GPHN: variants seen among roughly 807,000 people sequenced by gnomAD.
GPHN encodes the protein gephyrin.
GPHN carries 17 observed loss-of-function variants against 95.5 expected under a neutral mutation model. The ratio of observed to expected loss-of-function variants is 0.18; its 90% confidence interval spans 0.12 to 0.27. The LOEUF (loss-of-function observed/expected upper bound fraction) is 0.27, where lower values mean the gene tolerates loss of function less well. Ranked by LOEUF, GPHN falls within the 10% of genes least tolerant of loss-of-function variation. GPHN has a pLI of 1.00. For synonymous variants in GPHN, 320 were observed against 322.5 expected (o/e 0.99, Z 0.08); for missense variants, 660 against 978.1 (o/e 0.67, Z 4.34).
the GPHN span, among the ~76,000 whole-genome samples, chr14:67,629,983 C>T: frequency 6.6e-6 from 1 of 152,158 alleles, no homozygotes; most frequent in African/African-American, 2.4e-5. Context: ...AATGCATGAT[C>T]TTCACCTCCA....
chr14:66,934,253 G>C (rs188911990), intron 8 of GPHN, among the ~76,000 whole-genome samples: 10 of 152,010 alleles, frequency 6.6e-5, no homozygotes, highest in African/African-American at 2.4e-4. Flanking sequence ...GTGAAACTTG[G>C]TCAATGTACT....
At chr14:66,971,737 T>C (rs1257513291) in intron 9 of GPHN, among the ~76,000 whole-genome samples, 2 of 152,170 alleles carry the variant, frequency 1.3e-5, no homozygotes, top group Admixed American at 6.5e-5. Context: ...TTAAAATCCA[T>C]TGGTCTGTCT....
chr14:66,989,777 C>T lies in GPHN; in HGVS notation c.963+24452C>T, dbSNP rs139046932. On this transcript the variant is annotated intron_variant, in intron 9 of 22. Coordinates refer to ENST00000478722, the MANE Select transcript of GPHN (RefSeq NM_020806.5). ...CAGTTTCTCTCCTTACCCTTTAATT[C>T]CTACTACCCAAGTATACCTTAAAGT... is the stretch of plus-strand genomic sequence containing the variant. 9.2e-3 allele frequency among the ~76,000 whole-genome samples: 1,395 copies of T among 152,044 alleles called. 24 individuals are homozygous for T. The highest frequency in any genetic ancestry group is 0.031 in the African/African-American group (1,266 of 41,500).
At chr14:67,302,237 G>A in the GPHN span, 3 of 1,224,744 alleles carry the variant, frequency 2.4e-6, no homozygotes, top group South Asian at 4.3e-5. Flanking sequence ...AAAGTGTGGG[G>A]GAAATGGTCA....
chr14:66,597,132 A>G lies in GPHN; in HGVS notation c.65-83975A>G, dbSNP rs112457425. Among the ~76,000 whole-genome samples the G allele has an allele frequency of 3.6e-3, 554 of 152,308 alleles. 12 individuals carry two copies. Among genetic ancestry groups the G allele is most frequent in the African/African-American group, 0.013 (528 of 41,570 alleles). On this transcript the variant is annotated intron_variant, in intron 1 of 22. Transcript: ENST00000478722. ...TCCCTAGTAAAAGTAAAAGGGAGCC[A>G]TCAGCCAAGTTTCCATTTGCATGAC...
At chr14:66,922,586 CGAAA>C in intron 6 of GPHN, 76 bp from the exon 7 acceptor site, 1 of 1,148,058 alleles carries the variant, frequency 8.7e-7, no homozygotes. Flanking sequence ...TCCAAAATCA[CGAAA>C]CAGTTTGATT....
At chr14:67,483,171 CA>C in the GPHN span, among the ~76,000 whole-genome samples, 1 of 152,046 alleles carries the variant, frequency 6.6e-6, no homozygotes, top group African/African-American at 2.4e-5. Flanking sequence ...CCACCACACC[CA>C]GCTAATTTTT....
chr14:66,742,565 A>G (rs1305893867), intron 2 of GPHN, among the ~76,000 whole-genome samples: 1 of 152,196 alleles, frequency 6.6e-6, no homozygotes, highest in Middle Eastern at 3.2e-3. Flanking sequence ...TTTAGAAGAA[A>G]CGGTGACAGT....
chr14:66,969,058 A>G (rs2069554177), intron 9 of GPHN: 1 of 152,134 alleles, frequency 6.6e-6, no homozygotes, highest in South Asian at 2.1e-4. Flanking sequence ...AACCTAATGA[A>G]GATAACCATG....
intron 2 of GPHN, among the ~76,000 whole-genome samples, chr14:66,774,856 T>C (rs1020768705): frequency 2.0e-5 from 3 of 152,208 alleles, no homozygotes; most frequent in South Asian, 4.1e-4. Flanking sequence ...GGAAATGATA[T>C]AAAAGTATAC....
intron 1 of GPHN, among the ~76,000 whole-genome samples, chr14:66,605,068 A>G (rs993765774): frequency 4.6e-5 from 7 of 152,124 alleles, no homozygotes; most frequent in African/African-American, 9.7e-5. Flanking sequence ...TCCATGGTGT[A>G]TATGTGCCAC....
At chr14:67,572,378 G>T in the GPHN span, 4 of 995,910 alleles carry the variant, frequency 4.0e-6, no homozygotes, top group South Asian at 6.6e-5. Flanking sequence ...TGAAGTGAGG[G>T]GTCCCTAGAG....
chr14:67,693,098 TCAGC>T, the GPHN span: 1 of 1,382,484 alleles, frequency 7.2e-7, no homozygotes, highest in Admixed American at 1.8e-5. Context: ...TTCTACTGTC[TCAGC>T]CAGTAGGTTC....
At chr14:67,060,261 C>G (rs1308030877) in intron 11 of GPHN, among the ~76,000 whole-genome samples, 1 of 150,244 alleles carries the variant, frequency 6.7e-6, no homozygotes, top group Non-Finnish European at 1.5e-5. Context: ...GAGAAAAATG[C>G]TGTCATATGT....
At chr14:66,704,774 T>C (rs1164335575) in intron 2 of GPHN, among the ~76,000 whole-genome samples, 1 of 151,846 alleles carries the variant, frequency 6.6e-6, no homozygotes, top group African/African-American at 2.4e-5. Flanking sequence ...AAGAGCAAAC[T>C]AATCCGAAAG....
the GPHN span, chr14:67,579,743 C>G: frequency 1.2e-6 from 2 of 1,612,888 alleles, no homozygotes; most frequent in East Asian, 4.5e-5. Flanking sequence ...GACGGCTCTT[C>G]CACGGTTGAT....
chr14:67,577,974 G>A, the GPHN span: 1 of 1,567,132 alleles, frequency 6.4e-7, no homozygotes. Context: ...TGAGTTCTCT[G>A]AACCCAGGGG....
chr14:67,463,638 CAAAAAAAAA>C, the GPHN span, among the ~76,000 whole-genome samples: 9 of 54,864 alleles, frequency 1.6e-4, no homozygotes, highest in South Asian at 2.7e-3. Flanking sequence ...GACTCCGTCT[CAAAAAAAAA>C]AAAAAAAAAA....
chr14:67,415,661 T>A, the GPHN span, among the ~76,000 whole-genome samples: 6 of 152,356 alleles, frequency 3.9e-5, no homozygotes, highest in South Asian at 8.3e-4. Flanking sequence ...CATTCTATTA[T>A]AAAGATACAT....
Sources: allele counts gnomAD v4.1 joint callset (sites outside exome capture counted in the v4.1 genomes callset), GRCh38; gene constraint gnomAD v4.1.1; transcripts MANE v1.5; gene names NCBI Gene and HGNC (gene_info 2026-07-23, HGNC 2026-07-21).